Variants in ADGRL3 observed in about 807,000 individuals in gnomAD.
ADGRL3 encodes adhesion G protein-coupled receptor L3.
Under a neutral mutation model 153.5 loss-of-function variants are expected in ADGRL3, and 62 were observed. The observed-to-expected ratio is 0.40, with a 90% CI of 0.33 to 0.50. The LOEUF (loss-of-function observed/expected upper bound fraction) is 0.50, where lower values mean the gene tolerates loss of function less well. ADGRL3 is among the 20% of genes least tolerant of loss of function. The pLI is 0.47. For synonymous variants in ADGRL3, 710 were observed against 672.5 expected, an observed-to-expected ratio of 1.06 and a Z score of -0.86; for missense variants, 1,641 against 1,859.4, an observed-to-expected ratio of 0.88 and a Z score of 2.16.
At chr4:61,435,385 G>A (rs1244946408) in intron 2 of ADGRL3, among the ~76,000 whole-genome samples, 1 of 151,916 alleles carries the variant, frequency 6.6e-6, no homozygotes, top group South Asian at 2.1e-4. Context: ...TAAAAGTAAA[G>A]GTCTCTTCCT....
intron 1 of ADGRL3, among the ~76,000 whole-genome samples, chr4:61,308,541 G>A (rs1268290035): frequency 1.3e-5 from 2 of 152,142 alleles, no homozygotes; most frequent in African/African-American, 2.4e-5. Flanking sequence ...ATTTGAGTCT[G>A]CTGCTAGTGT....
chr4:61,864,482 A>G (rs1024707778), intron 9 of ADGRL3, among the ~76,000 whole-genome samples: 1 of 152,212 alleles, frequency 6.6e-6, no homozygotes, highest in Non-Finnish European at 1.5e-5. Context: ...GAACATTTCA[A>G]AGCCCCAGAG....
chr4:61,880,934 C>T (rs28750160), intron 9 of ADGRL3, among the ~76,000 whole-genome samples: 25,954 of 151,964 alleles, frequency 0.17, 2,349 homozygotes, highest in Non-Finnish European at 0.2. Context: ...CTACAACCCA[C>T]GATAAAATTA....
At position 61,851,151 on chromosome 4, in the gene ADGRL3, T is replaced by C. The variant is rs186614878; in HGVS notation, c.1480+37262T>C. ...CTTAATATCCAAGTCTTTTAGTGTTTCTTTTTAAATATACTGATATATCTG... is the reference window on the plus strand; with the variant it reads ...CTTAATATCCAAGTCTTTTAGTGTTCCTTTTTAAATATACTGATATATCTG... On this transcript the variant is annotated intron_variant, in intron 9 of 26. Transcript: ENST00000683033. Among the ~76,000 whole-genome samples, 1,173 of 152,344 alleles carry C rather than the reference T, an allele frequency of 7.7e-3. 7 individuals are homozygous for C. The highest frequency in any genetic ancestry group is 0.013 in the Non-Finnish European group (883 of 68,032).
intron 2 of ADGRL3, among the ~76,000 whole-genome samples, chr4:61,493,139 T>C (rs146860267): frequency 7.9e-5 from 12 of 152,316 alleles, no homozygotes; most frequent in Admixed American, 3.9e-4. Context: ...AGAAATCTAT[T>C]AGCTATTAAA....
At chr4:61,423,934 AG>A (rs2097243194) in intron 2 of ADGRL3, among the ~76,000 whole-genome samples, 1 of 152,160 alleles carries the variant, frequency 6.6e-6, no homozygotes, top group South Asian at 2.1e-4. Context: ...TAGAAAATGA[AG>A]AGTGAGTGAA....
chr4:61,452,669 C>G (rs1429438995), intron 2 of ADGRL3, among the ~76,000 whole-genome samples: 1 of 152,090 alleles, frequency 6.6e-6, no homozygotes, highest in African/African-American at 2.4e-5. Flanking sequence ...CTATTTTTCT[C>G]ATTTTCACTA....
chr4:61,597,690 C>T (rs750523118), intron 5 of ADGRL3, among the ~76,000 whole-genome samples: 5 of 146,874 alleles, frequency 3.4e-5, no homozygotes, highest in Admixed American at 6.8e-5. Flanking sequence ...CAACTATACA[C>T]GTGAAGTCCA....
At chr4:61,240,032 G>A (rs898779127) in intron 1 of ADGRL3, among the ~76,000 whole-genome samples, 3 of 152,084 alleles carry the variant, frequency 2.0e-5, no homozygotes, top group Non-Finnish European at 4.4e-5. Flanking sequence ...ATATCTGAGA[G>A]TAGGTGGTTC....
chr4:61,976,336 G>A (rs935583106), intron 17 of ADGRL3, among the ~76,000 whole-genome samples: 16 of 152,004 alleles, frequency 1.1e-4, no homozygotes, highest in Admixed American at 3.9e-4. Context: ...TGCACAGACC[G>A]CCTTCCTAGA....
chr4:61,558,616 C>T (rs2098779924), intron 4 of ADGRL3, among the ~76,000 whole-genome samples: 1 of 151,896 alleles, frequency 6.6e-6, no homozygotes, highest in Non-Finnish European at 1.5e-5. Flanking sequence ...ATCTATCTAT[C>T]AATCAATCAT....
rs1028629023 is a variant in ADGRL3, at chr4:61,286,960, A to C, written c.-240+85195A>C. ...TATCAGGATATCTATATTTTTTAGT[A>C]ATTATGGAAGTCAAAGGCCTCTATC... On this transcript the variant is annotated intron_variant, in intron 1 of 26. Coordinates refer to ENST00000683033, the MANE Select transcript of ADGRL3 (RefSeq NM_001387552.1). 4.6e-5 allele frequency among the ~76,000 whole-genome samples: 7 copies of C among 151,768 alleles called. No homozygotes were observed. In the Admixed American group the frequency reaches 4.6e-4, roughly 10 times the overall value.
chr4:61,520,654 G>GTGTGTGTGTGTGTGTGTGTGTA (rs2098524604), intron 4 of ADGRL3, among the ~76,000 whole-genome samples: 1 of 127,304 alleles, frequency 7.9e-6, no homozygotes. Context: ...ATAAACCTCT[G>GTGTGTGTGTGTGTGTGTGTGTA]TGTGTGTGTG....
At chr4:61,703,941 TGGCATTGCA>T (rs1419713793) in intron 6 of ADGRL3, among the ~76,000 whole-genome samples, 1 of 152,132 alleles carries the variant, frequency 6.6e-6, no homozygotes, top group Non-Finnish European at 1.5e-5. Context: ...GGTGGTCGGT[TGGCATTGCA>T]GGCATAGAAT....
chr4:61,635,600 C>G (rs2093384945), intron 5 of ADGRL3, among the ~76,000 whole-genome samples: 1 of 125,234 alleles, frequency 8.0e-6, no homozygotes, highest in Non-Finnish European at 2.0e-5. Flanking sequence ...TGATTTTGAC[C>G]TCAAAATTTA....
At position 61,201,123 on chromosome 4, in the gene ADGRL3, C is replaced by G. The variant is rs1577833171; in HGVS notation, c.-882C>G. 6.6e-6 allele frequency: 1 copy of G among 152,524 alleles called. No individual in the cohort carries two copies. The highest frequency in any genetic ancestry group is 2.0e-4 in the East Asian group (1 of 5,094). The allele number at this position is 152,524 out of a possible 1,614,324, so 9.4% of individuals were successfully genotyped here. A position where few individuals can be genotyped will look rare whatever the true frequency, so the allele number is the denominator to read the frequency against. On this transcript the variant is annotated 5_prime_UTR_variant, in exon 1 of 27. It adds an upstream start codon to the 5' untranslated region. Transcript: ENST00000683033. ...TCGCGGCTCCCCCTACCTATTCCAT[C>G]GCTCCCGCTCCGAGGCGGAAAGGGG...
At chr4:61,776,263 A>G (rs1317715207) in intron 8 of ADGRL3, among the ~76,000 whole-genome samples, 1 of 152,236 alleles carries the variant, frequency 6.6e-6, no homozygotes. Context: ...CAGCAGGGAA[A>G]GAGGCCTCAC....
At chr4:61,574,706 T>A (rs990936962) in intron 4 of ADGRL3, among the ~76,000 whole-genome samples, 3 of 151,852 alleles carry the variant, frequency 2.0e-5, no homozygotes, top group Non-Finnish European at 4.4e-5. Flanking sequence ...ATTAATATAT[T>A]TCTAATGGTG....
chr4:61,228,852 C>T (rs1240995858), intron 1 of ADGRL3, among the ~76,000 whole-genome samples: 1 of 152,240 alleles, frequency 6.6e-6, no homozygotes, highest in South Asian at 2.1e-4. Flanking sequence ...CCACCATACC[C>T]TGCTGATTTT....
Sources: allele counts gnomAD v4.1 joint callset (sites outside exome capture counted in the v4.1 genomes callset), GRCh38; gene constraint gnomAD v4.1.1; transcripts MANE v1.5; gene names NCBI Gene and HGNC (gene_info 2026-07-23, HGNC 2026-07-21).